SEC31B: variants seen among roughly 807,000 people sequenced by gnomAD.
The protein encoded by SEC31B is SEC31 homolog B, COPII component.
A neutral mutation model predicts 135.0 loss-of-function variants in SEC31B; 113 were observed. The ratio of observed to expected loss-of-function variants is 0.84; its 90% confidence interval spans 0.72 to 0.98. SEC31B has a LOEUF of 0.98. SEC31B is among the 50% of genes least tolerant of loss of function. The pLI is 0.00. For missense variants in SEC31B, 1,296 were observed against 1,421.1 expected (o/e 0.91, Z 1.42); for synonymous variants, 508 against 549.4 (o/e 0.92, Z 1.05).
Position 100,498,738 on chromosome 10 carries a change from T to C in SEC31B, c.1651A>G (p.Asn551Asp). The change falls in exon 14 of 26, where the codon AAC becomes GAC. Residue 551 changes from asparagine to aspartate, a missense_variant. Coordinates refer to ENST00000370345, the MANE Select transcript of SEC31B (RefSeq NM_015490.4). ...SAFFDELVPQ[N>D]MTPWEIPITK... ...ATGGGGATCTCCCAAGGAGTCATGT[T>C]CTGAGGGACCAGCTCATCAAAGAAG... is the stretch of plus-strand genomic sequence containing the variant. 6.2e-7 allele frequency: 1 copy of C among 1,613,872 alleles called. No individual in the cohort carries two copies. The highest frequency in any genetic ancestry group is 2.2e-5 in the East Asian group (1 of 44,874).
intron 17 of SEC31B, 103 bp from the exon 18 acceptor site, chr10:100,496,534 G>C (rs1851413249): frequency 8.0e-7 from 1 of 1,249,294 alleles, no homozygotes; most frequent in African/African-American, 1.5e-5. Context: ...GTACAGATGA[G>C]GGCACCTGAC....
chr10:100,500,161 TGAA>T (rs922895492), intron 11 of SEC31B: 4 of 456,668 alleles, frequency 8.8e-6, no homozygotes, highest in Admixed American at 7.0e-5. Context: ...TCTGGCGGGC[TGAA>T]GAAGAGAACT....
intron 18 of SEC31B, 87 bp from the exon 19 acceptor site, chr10:100,495,633 C>T (rs1851393605): frequency 2.3e-6 from 3 of 1,297,904 alleles, no homozygotes; most frequent in African/African-American, 1.5e-5. Context: ...TGACCCTCTA[C>T]ACCAAGCTTG....
intron 6 of SEC31B, 42 bp from the exon 7 acceptor site, chr10:100,507,609 CTT>C (rs376816661): frequency 3.4e-5 from 55 of 1,610,150 alleles, no homozygotes; most frequent in South Asian, 2.1e-4. Flanking sequence ...TAACCTGACT[CTT>C]TTGCCCAGTT....
chr10:100,518,150 GAATAAAA>G (rs1184824445), intron 1 of SEC31B, among the ~76,000 whole-genome samples: 1 of 152,166 alleles, frequency 6.6e-6, no homozygotes, highest in Non-Finnish European at 1.5e-5. Context: ...ATCACACACA[GAATAAAA>G]TTCAAACTTC....
rs972008744 is a variant in SEC31B, at chr10:100,487,497, C to T, written c.*119G>A. ...GAGCCAAGCCTACAGCATCACATAC[C>T]TGGCAGCAAGGAAAAGAGTCGGGAA... On this transcript the variant is annotated 3_prime_UTR_variant, in exon 26 of 26. Coordinates refer to ENST00000370345, the MANE Select transcript of SEC31B (RefSeq NM_015490.4). 1 of 983,634 alleles carries T rather than the reference C, an allele frequency of 1.0e-6. No homozygotes were observed. Among genetic ancestry groups the T allele is most frequent in the African/African-American group, 1.6e-5 (1 of 61,520 alleles). The allele number at this position is 983,634 out of a possible 1,614,324, so 60.9% of individuals were successfully genotyped here.
chr10:100,516,035 C>T, intron 3 of SEC31B, 61 bp downstream of exon 3: 1 of 1,580,638 alleles, frequency 6.3e-7, no homozygotes, highest in South Asian at 1.2e-5. Context: ...GAAACACACA[C>T]TGCTCCCAGG....
At chr10:100,518,646 C>G (rs1166001716) in intron 1 of SEC31B, among the ~76,000 whole-genome samples, 1 of 152,164 alleles carries the variant, frequency 6.6e-6, no homozygotes, top group African/African-American at 2.4e-5. Context: ...AAGGTCCCAT[C>G]CCAACAGGCT....
rs373968362 is a variant in SEC31B, at chr10:100,506,025, C to G, written c.1044+15G>C. Reference sequence around the variant, plus strand: ...AGCCCCTTCCCTCCAGCATTCTCTACCAAGCCCTTCAAACCTTGTCAGCCT... The same window carrying G: ...AGCCCCTTCCCTCCAGCATTCTCTAGCAAGCCCTTCAAACCTTGTCAGCCT... On this transcript the variant is annotated intron_variant, in intron 9 of 25. Transcript: ENST00000370345. 2 of 1,613,004 alleles carry G rather than the reference C, an allele frequency of 1.2e-6. No homozygotes were observed. The highest frequency in any genetic ancestry group is 1.3e-5 in the African/African-American group (1 of 74,894).
At position 100,516,143 on chromosome 10, in the gene SEC31B, G is replaced by A; in HGVS notation, c.156C>T (p.Asp52=). 5.0e-6 allele frequency: 8 copies of A among 1,614,014 alleles called. No homozygotes were observed. The highest frequency in any genetic ancestry group is 6.8e-6 in the Non-Finnish European group (8 of 1,179,992). ...TLEIFEVDFR[D]PSLDLKHRGV... ...CTCTGTGTTTCAAGTCCAGAGAAGG[G>A]TCCCTGAAATCAACCTCAAATATTT... The change falls in exon 3 of 26, where the codon GAC becomes GAT. Residue 52 remains aspartate, a synonymous_variant. Transcript: ENST00000370345.
chr10:100,490,323 C>G lies in SEC31B; in HGVS notation c.2651-1G>C. On this transcript the variant is annotated splice_acceptor_variant, in intron 20 of 25. Coordinates refer to ENST00000370345, the MANE Select transcript of SEC31B (RefSeq NM_015490.4). LOFTEE classifies it high-confidence loss of function. ...CCTAATAGCTGTGGCTGAGATGAAG[C>G]TGAAGCAGAACAGAAATAGGTCATT... The G allele has an allele frequency of 1.2e-6, 2 of 1,611,276 alleles. No individual in the cohort carries two copies. Among genetic ancestry groups the G allele is most frequent in the Admixed American group, 1.7e-5 (1 of 59,582 alleles).
rs1176976223 is a variant in SEC31B at position 100,489,340 on chromosome 10, G to T, written c.3083C>A (p.Pro1028His). The T allele has an allele frequency of 6.2e-7, 1 of 1,613,890 alleles. No homozygotes were observed. Among genetic ancestry groups the T allele is most frequent in the African/African-American group, 1.3e-5 (1 of 74,934 alleles). ...TGAGGGAAGAATCCCTTGTAGCTCA[G>T]GGGTGAGGCTCATAACTGGAGCAGT... ...PITAPVMSLTPELQGILPSQP... is the reference protein window; with the variant it reads ...PITAPVMSLTHELQGILPSQP... The change falls in exon 23 of 26, where the codon CCT becomes CAT. Residue 1028 changes from proline (P) to histidine (H), a missense_variant. By Grantham distance (77) the Pro-to-His change is moderately conservative. Coordinates refer to ENST00000370345, the MANE Select transcript of SEC31B (RefSeq NM_015490.4).
At chr10:100,490,434 A>G in intron 20 of SEC31B, 112 bp from the exon 21 acceptor site, 4 of 1,116,832 alleles carry the variant, frequency 3.6e-6, no homozygotes, top group Non-Finnish European at 3.7e-6. Flanking sequence ...TGATTAATAC[A>G]TGTATATGGA....
chr10:100,497,171 T>C lies in SEC31B; in HGVS notation c.2100A>G (p.Ala700=). The C allele has an allele frequency of 6.2e-7, 1 of 1,614,104 alleles. No homozygotes were observed. Among genetic ancestry groups the C allele is most frequent in the Admixed American group, 1.7e-5 (1 of 60,028 alleles). The change falls in exon 17 of 26, where the codon GCA becomes GCG. Residue 700 remains alanine, a synonymous_variant. Transcript: ENST00000370345. The part of the protein sequence containing the change: ...GSVERLVECW[A]KCHQALSPMA... ...TGGGGGACAAAGCCTGGTGGCATTT[T>C]GCCCAGCACTCCACCAGCCGCTCCA...
chr10:100,509,489 T>C lies in SEC31B; in HGVS notation c.226A>G (p.Ser76Gly). The change falls in exon 4 of 26, where the codon AGC becomes GGC. Residue 76 changes from serine to glycine, a missense_variant. Coordinates refer to ENST00000370345, the MANE Select transcript of SEC31B (RefSeq NM_015490.4). ...LSRFHKLVWG[S>G]FGSGLLESSG... Reference sequence around the variant, plus strand: ...CTTTCCAGAAGCCCACTGCCAAAGCTCCCCCAGACCAGCTTGTGAAACCTA... The same window carrying C: ...CTTTCCAGAAGCCCACTGCCAAAGCCCCCCCAGACCAGCTTGTGAAACCTA... 2 of 1,612,710 alleles carry C rather than the reference T, an allele frequency of 1.2e-6. No individual in the cohort carries two copies. The highest frequency in any genetic ancestry group is 1.7e-6 in the Non-Finnish European group (2 of 1,179,320).
At chr10:100,514,094 A>T (rs538249226) in intron 3 of SEC31B, among the ~76,000 whole-genome samples, 2 of 152,186 alleles carry the variant, frequency 1.3e-5, no homozygotes, top group South Asian at 4.2e-4. Context: ...CTGAGGCAGG[A>T]GAACTGCTTG....
chr10:100,509,353 G>T lies in SEC31B; in HGVS notation c.362C>A (p.Thr121Lys). Residue 121 changes from threonine to lysine, a missense_variant, in exon 4 of 26, where the codon ACG becomes AAG. Coordinates refer to ENST00000370345, the MANE Select transcript of SEC31B (RefSeq NM_015490.4). The part of the protein sequence containing the change: ...EPVIAQKQKH[T>K]GAVRALDLNP... ...CAAGTCGAGGGCTCTGACAGCCCCC[G>T]TGTGCTTCTGTTTCTGAGCAATCAC... The T allele has an allele frequency of 6.2e-7, 1 of 1,613,950 alleles. No homozygotes were observed. The highest frequency in any genetic ancestry group is 8.5e-7 in the Non-Finnish European group (1 of 1,179,998).
At position 100,505,931 on chromosome 10, in the gene SEC31B, G is replaced by T. The variant is rs888612979; in HGVS notation, c.1044+109C>A. ...AAAGGTGCAGCCCTCCCAAACCCCG[G>T]GCCCTGGTCTCCCAATCTCCAATAT... On this transcript the variant is annotated intron_variant, in intron 9 of 25. Transcript: ENST00000370345. 4 of 1,557,076 alleles carry T rather than the reference G, an allele frequency of 2.6e-6. No homozygotes were observed. In the African/African-American group the frequency reaches 4.1e-5, roughly 16 times the overall value.
chr10:100,499,946 A>G (rs567622780), intron 11 of SEC31B, among the ~76,000 whole-genome samples: 9 of 152,312 alleles, frequency 5.9e-5, no homozygotes, highest in African/African-American at 1.9e-4. Flanking sequence ...TGTAACCTAG[A>G]AATAATTAAT....
Sources: allele counts gnomAD v4.1 joint callset (sites outside exome capture counted in the v4.1 genomes callset), GRCh38; gene constraint gnomAD v4.1.1; transcripts MANE v1.5; gene names NCBI Gene and HGNC (gene_info 2026-07-23, HGNC 2026-07-21).